CACNA2D1: variants seen among roughly 807,000 people sequenced by gnomAD.
CACNA2D1 encodes voltage-dependent calcium channel subunit alpha-2/delta-1.
A neutral mutation model predicts 171.5 loss-of-function variants in CACNA2D1; 53 were observed. That is an observed-to-expected ratio of 0.31 (90% confidence interval 0.25 to 0.39). The LOEUF (loss-of-function observed/expected upper bound fraction) is 0.39, where lower values mean the gene tolerates loss of function less well. Ranked by LOEUF, CACNA2D1 falls within the 10% of genes least tolerant of loss-of-function variation. CACNA2D1 has a pLI of 1.00. For missense variants in CACNA2D1, 903 were observed against 1,299.8 expected (o/e 0.69, Z 4.69); for synonymous variants, 442 against 443.1 (o/e 1.00, Z 0.03).
chr7:82,440,723 G>A (rs887420814), intron 1 of CACNA2D1, among the ~76,000 whole-genome samples: 1 of 151,688 alleles, frequency 6.6e-6, no homozygotes, highest in Admixed American at 6.6e-5. Flanking sequence ...ATGTTAAACA[G>A]GAGAGCAAAA....
chr7:82,371,827 A>C (rs1291398158), intron 1 of CACNA2D1, among the ~76,000 whole-genome samples: 2 of 152,076 alleles, frequency 1.3e-5, no homozygotes, highest in Non-Finnish European at 2.9e-5. Context: ...CTGCCTGCAA[A>C]GTGCTGGGAT....
intron 7 of CACNA2D1, among the ~76,000 whole-genome samples, chr7:82,074,308 C>A (rs181222188): frequency 4.3e-4 from 66 of 152,214 alleles, no homozygotes; most frequent in African/African-American, 1.6e-3. Context: ...CTCACTGCAA[C>A]CTTTTCTTCC....
At chr7:81,967,141 CA>C (rs761952046) in intron 31 of CACNA2D1, 27 bp downstream of exon 31, 1 of 1,568,108 alleles carries the variant, frequency 6.4e-7, no homozygotes, top group Admixed American at 1.7e-5. Context: ...ATATTGTACT[CA>C]AAAGTGATTT....
At chr7:82,009,795 T>G (rs1240027191) in intron 15 of CACNA2D1, among the ~76,000 whole-genome samples, 1 of 152,134 alleles carries the variant, frequency 6.6e-6, no homozygotes, top group African/African-American at 2.4e-5. Flanking sequence ...TCCTGAGTAC[T>G]GCACATGTCT....
intron 20 of CACNA2D1, 48 bp downstream of exon 20, chr7:81,994,820 A>G: frequency 1.1e-6 from 1 of 916,326 alleles, no homozygotes; most frequent in Non-Finnish European, 1.8e-6. Flanking sequence ...AATATCAATT[A>G]TTCTTGATAT....
intron 36 of CACNA2D1, among the ~76,000 whole-genome samples, chr7:81,960,281 T>C (rs1793948642): frequency 6.6e-6 from 1 of 152,098 alleles, no homozygotes; most frequent in Admixed American, 6.6e-5. Flanking sequence ...GCAAACTTTC[T>C]GTGAAGATGG....
At position 82,422,673 on chromosome 7, in the gene CACNA2D1, G is replaced by C. The variant is rs576435903; in HGVS notation, c.95+20692C>G. 2.2e-4 allele frequency among the ~76,000 whole-genome samples: 34 copies of C among 152,210 alleles called. No homozygotes were observed. The South Asian group carries it at 7.0e-3, about 32-fold the overall frequency. On this transcript the variant is annotated intron_variant, in intron 1 of 38. Coordinates refer to ENST00000356860, the MANE Select transcript of CACNA2D1 (RefSeq NM_000722.4). ...CTCCATAGAAGTTCTTGAGACAGCT[G>C]TTCCGGAAGAAGTGTATAGTGACAG...
chr7:82,279,070 G>C (rs1809737158), intron 3 of CACNA2D1, among the ~76,000 whole-genome samples: 1 of 152,210 alleles, frequency 6.6e-6, no homozygotes, highest in Admixed American at 6.5e-5. Flanking sequence ...AGAAAAGTCA[G>C]TGCCAAGGTT....
At chr7:82,328,447 A>G (rs1816909079) in intron 3 of CACNA2D1, among the ~76,000 whole-genome samples, 1 of 152,162 alleles carries the variant, frequency 6.6e-6, no homozygotes, top group African/African-American at 2.4e-5. Flanking sequence ...TACCCATAAT[A>G]GACTCCTTTC....
chr7:82,249,734 CATGTT>C, intron 3 of CACNA2D1, among the ~76,000 whole-genome samples: 3 of 152,232 alleles, frequency 2.0e-5, no homozygotes, highest in African/African-American at 7.2e-5. Context: ...ATCATGCACG[CATGTT>C]GTGCTGATTG....
intron 1 of CACNA2D1, among the ~76,000 whole-genome samples, chr7:82,426,860 C>T (rs993191621): frequency 1.3e-5 from 2 of 152,126 alleles, no homozygotes; most frequent in Non-Finnish European, 2.9e-5. Flanking sequence ...GTTTCAGTTA[C>T]CCGCAGTCGA....
At chr7:81,962,605 T>C (rs1794274060) in intron 34 of CACNA2D1, 110 bp from the exon 35 acceptor site, 1 of 716,618 alleles carries the variant, frequency 1.4e-6, no homozygotes, top group South Asian at 1.7e-5. Flanking sequence ...AAAGAAAGTC[T>C]TGGAGTGTTT....
chr7:82,259,258 A>C (rs1245230965), intron 3 of CACNA2D1, among the ~76,000 whole-genome samples: 2 of 152,176 alleles, frequency 1.3e-5, no homozygotes, highest in African/African-American at 4.8e-5. Context: ...ATATATAGGC[A>C]GGCCTTTTAT....
intron 18 of CACNA2D1, among the ~76,000 whole-genome samples, chr7:82,002,153 G>A (rs930470938): frequency 5.3e-5 from 8 of 151,708 alleles, no homozygotes; most frequent in African/African-American, 1.2e-4. Flanking sequence ...CTCCAGAGAT[G>A]ATGGTATCCA....
At chr7:82,238,221 C>A (rs1432475025) in intron 3 of CACNA2D1, among the ~76,000 whole-genome samples, 2 of 152,074 alleles carry the variant, frequency 1.3e-5, no homozygotes, top group East Asian at 3.8e-4. Flanking sequence ...CATACCCACA[C>A]TTTCTCATGC....
At chr7:82,044,259 A>C (rs1353538005) in intron 10 of CACNA2D1, among the ~76,000 whole-genome samples, 1 of 152,170 alleles carries the variant, frequency 6.6e-6, no homozygotes, top group Non-Finnish European at 1.5e-5. Context: ...TAAATGTTTA[A>C]AGGCAGGCTT....
intron 1 of CACNA2D1, among the ~76,000 whole-genome samples, chr7:82,408,411 A>G (rs545723234): frequency 6.6e-6 from 1 of 152,240 alleles, no homozygotes; most frequent in East Asian, 1.9e-4. Flanking sequence ...TGAGACCAGA[A>G]TGGCTGCTGG....
At chr7:82,368,781 A>G (rs1022231848) in intron 1 of CACNA2D1, among the ~76,000 whole-genome samples, 8 of 152,302 alleles carry the variant, frequency 5.3e-5, no homozygotes, top group African/African-American at 1.9e-4. Flanking sequence ...CATTTCAACT[A>G]TTCCATAAGG....
At chr7:82,084,564 A>G (rs974010825) in intron 7 of CACNA2D1, among the ~76,000 whole-genome samples, 1 of 152,188 alleles carries the variant, frequency 6.6e-6, no homozygotes, top group Non-Finnish European at 1.5e-5. Flanking sequence ...GATTCCAGGT[A>G]CCAATAGCTC....
Sources: gnomAD v4.1 joint callset for allele counts (sites outside exome capture counted in the v4.1 genomes callset) on GRCh38, gnomAD v4.1.1 for gene constraint, MANE v1.5 for transcripts, NCBI Gene and HGNC (gene_info 2026-07-23, HGNC 2026-07-21) for gene names.